SH3BGRL: variants seen among roughly 807,000 people sequenced by gnomAD.
SH3BGRL encodes adapter SH3BGRL.
SH3BGRL carries 7 observed loss-of-function variants against 9.8 expected under a neutral mutation model. The ratio of observed to expected loss-of-function variants is 0.72; its 90% confidence interval spans 0.41 to 1.35. SH3BGRL has a LOEUF of 1.35. Among genes scored for constraint, SH3BGRL ranks in the 40% most tolerant of loss-of-function variants. The pLI, the probability that SH3BGRL is intolerant of heterozygous loss-of-function variation, is 0.01. For missense variants in SH3BGRL, 73 were observed against 84.4 expected (o/e 0.86, Z 0.53); for synonymous variants, 36 against 29.1 (o/e 1.24, Z -0.76).
At chrX:81,290,273 A>G (rs1164540052) in intron 3 of SH3BGRL, among the ~76,000 whole-genome samples, 1 of 112,321 alleles carries the variant, frequency 8.9e-6, no homozygotes, top group African/African-American at 3.2e-5. Context: ...AGATATCTGC[A>G]ATCTCATGTT....
intron 2 of SH3BGRL, among the ~76,000 whole-genome samples, chrX:81,277,733 A>G (rs759530505): frequency 7.1e-5 from 8 of 112,179 alleles, no homozygotes; most frequent in African/African-American, 2.6e-4. Flanking sequence ...GCTGTTTTGC[A>G]TGGTGGAGGA....
At chrX:81,275,271 A>C (rs192133261) in intron 1 of SH3BGRL, among the ~76,000 whole-genome samples, 20 of 111,160 alleles carry the variant, frequency 1.8e-4, no homozygotes, top group African/African-American at 5.9e-4. Flanking sequence ...GTTGGAATGC[A>C]AGTTCCCTCA....
At chrX:81,264,532 A>G (rs2075750413) in intron 1 of SH3BGRL, among the ~76,000 whole-genome samples, 1 of 111,679 alleles carries the variant, frequency 9.0e-6, no homozygotes, top group Non-Finnish European at 1.9e-5. Flanking sequence ...AACATATAGT[A>G]AGGCTTGGAA....
intron 3 of SH3BGRL, among the ~76,000 whole-genome samples, chrX:81,289,246 C>G (rs1209108930): frequency 8.9e-6 from 1 of 111,764 alleles, no homozygotes; most frequent in Non-Finnish European, 1.9e-5. Flanking sequence ...AAACTTGACC[C>G]CTATCTCTTG....
In SH3BGRL at chrX:81,297,229, C is replaced by T; in HGVS notation, c.*2C>T. The T allele has an allele frequency of 8.3e-7, 1 of 1,200,630 alleles. No homozygotes were observed. Among genetic ancestry groups the T allele is most frequent in the Non-Finnish European group, 1.1e-6 (1 of 887,141 alleles). ...GTGCAAGCAAAGCAGCAAGCATGAA[C>T]CTTAAGCACTGTGCTTTAAGCATCC... On this transcript the variant is annotated 3_prime_UTR_variant, in exon 4 of 4. Transcript: ENST00000373212.
intron 1 of SH3BGRL, among the ~76,000 whole-genome samples, chrX:81,266,436 T>C (rs893293678): frequency 4.5e-5 from 5 of 111,921 alleles, no homozygotes; most frequent in Non-Finnish European, 9.4e-5. Context: ...AAATAGTGTT[T>C]TCCCAACACT....
chrX:81,281,792 C>T (rs1170837457), intron 3 of SH3BGRL, among the ~76,000 whole-genome samples: 1 of 111,964 alleles, frequency 8.9e-6, no homozygotes, highest in Non-Finnish European at 1.9e-5. Context: ...ATCTAGAGTA[C>T]ACAGGCAACA....
At position 81,298,171 on chromosome X, in the gene SH3BGRL, C is replaced by G. The variant is rs1054042317; in HGVS notation, c.*944C>G. 4 of 111,477 alleles carry G rather than the reference C, an allele frequency of 3.6e-5. No individual in the cohort carries two copies. The highest frequency in any genetic ancestry group is 1.3e-4 in the African/African-American group (4 of 30,815). 9.2% of individuals were successfully genotyped at this position (111,477 alleles called of 1,213,427 possible). ...TGCTACTATTCCTAAGATATCTTACCTTTTTATTTCAGTTTAGCCATGTAT... is the reference window on the plus strand; with the variant it reads ...TGCTACTATTCCTAAGATATCTTACGTTTTTATTTCAGTTTAGCCATGTAT... On this transcript the variant is annotated 3_prime_UTR_variant, in exon 4 of 4. Transcript: ENST00000373212.
intron 1 of SH3BGRL, among the ~76,000 whole-genome samples, chrX:81,230,864 G>A (rs1422957364): frequency 9.0e-6 from 1 of 111,423 alleles, no homozygotes; most frequent in Admixed American, 9.6e-5. Flanking sequence ...TTGACTCTGA[G>A]CTAAATTGGG....
chrX:81,267,848 A>C (rs944180557), intron 1 of SH3BGRL, among the ~76,000 whole-genome samples: 1 of 111,459 alleles, frequency 9.0e-6, no homozygotes, highest in Non-Finnish European at 1.9e-5. Context: ...CTGGTCCTGG[A>C]CTTTTTTTGG....
At chrX:81,248,713 T>C (rs746564515) in intron 1 of SH3BGRL, among the ~76,000 whole-genome samples, 276 of 112,154 alleles carry the variant, frequency 2.5e-3, no homozygotes, top group Middle Eastern at 4.6e-3. Context: ...CATCCTGCTC[T>C]TAGCCTTGGG....
intron 1 of SH3BGRL, among the ~76,000 whole-genome samples, chrX:81,235,741 G>A (rs1341015734): frequency 1.8e-5 from 2 of 110,776 alleles, no homozygotes; most frequent in Non-Finnish European, 3.8e-5. Context: ...TCCTTCTTAT[G>A]TTCCACTCCA....
chrX:81,239,136 G>T (rs1450389633), intron 1 of SH3BGRL, among the ~76,000 whole-genome samples: 2 of 111,876 alleles, frequency 1.8e-5, no homozygotes, highest in Non-Finnish European at 3.8e-5. Flanking sequence ...ACATCTACTA[G>T]CATCAACATC....
intron 2 of SH3BGRL, among the ~76,000 whole-genome samples, chrX:81,277,430 A>G (rs2075801975): frequency 8.9e-6 from 1 of 112,528 alleles, no homozygotes; most frequent in South Asian, 3.6e-4. Context: ...ATAAGATGAC[A>G]GTAGGAATCC....
At chrX:81,238,366 ATGG>A (rs1433412157) in intron 1 of SH3BGRL, among the ~76,000 whole-genome samples, 1 of 112,511 alleles carries the variant, frequency 8.9e-6, no homozygotes, top group Non-Finnish European at 1.9e-5. Context: ...AGTACTCCCC[ATGG>A]CCTGTGGTGG....
At chrX:81,241,450 G>T (rs1003707400) in intron 1 of SH3BGRL, among the ~76,000 whole-genome samples, 8 of 111,875 alleles carry the variant, frequency 7.2e-5, no homozygotes, top group African/African-American at 2.6e-4. Flanking sequence ...ATAGCTTATG[G>T]TACTTTTTCT....
chrX:81,237,240 A>G, intron 1 of SH3BGRL: 1 of 345,130 alleles, frequency 2.9e-6, no homozygotes, highest in Non-Finnish European at 5.5e-6. Context: ...ACAACTATCT[A>G]CATGCACACA....
chrX:81,255,030 C>T (rs868365590), intron 1 of SH3BGRL, among the ~76,000 whole-genome samples: 41 of 109,843 alleles, frequency 3.7e-4, no homozygotes, highest in Middle Eastern at 4.8e-3. Flanking sequence ...GCTGGGACTA[C>T]AGACGTGCGC....
intron 1 of SH3BGRL, among the ~76,000 whole-genome samples, chrX:81,215,056 T>A (rs1178987749): frequency 9.0e-6 from 1 of 110,886 alleles, no homozygotes; most frequent in African/African-American, 3.3e-5. Flanking sequence ...TGACTTAAGA[T>A]CTGGTGAATA....
Sources: allele counts gnomAD v4.1 joint callset (sites outside exome capture counted in the v4.1 genomes callset), GRCh38; gene constraint gnomAD v4.1.1; transcripts MANE v1.5; gene names NCBI Gene and HGNC (gene_info 2026-07-23, HGNC 2026-07-21).